UNC5D: variants seen among roughly 807,000 people sequenced by gnomAD.
The protein encoded by UNC5D is unc-5 netrin receptor D.
In UNC5D, 39 loss-of-function variants were observed where a neutral mutation model predicts 105.4. The ratio of observed to expected loss-of-function variants is 0.37; its 90% CI spans 0.29 to 0.48. The LOEUF is 0.48. Ranked by LOEUF, UNC5D falls within the 20% of genes least tolerant of loss-of-function variation. The pLI, the probability that UNC5D is intolerant of heterozygous loss-of-function variation, is 0.98. For synonymous variants in UNC5D, 452 were observed against 450.4 expected (o/e 1.00, Z -0.04); for missense variants, 991 against 1,202.4 (o/e 0.82, Z 2.60).
intron 1 of UNC5D, among the ~76,000 whole-genome samples, chr8:35,322,222 T>C (rs549044173): frequency 3.4e-4 from 52 of 152,340 alleles, no homozygotes; most frequent in African/African-American, 1.2e-3. Flanking sequence ...ATTTCTCTTT[T>C]CAAAGGTGCA....
chr8:35,281,780 A>G (rs1236829645), intron 1 of UNC5D, among the ~76,000 whole-genome samples: 2 of 152,188 alleles, frequency 1.3e-5, no homozygotes, highest in African/African-American at 4.8e-5. Flanking sequence ...AAATCCTGCC[A>G]TGCCTTTGAT....
chr8:35,510,844 T>A (rs573306433), intron 1 of UNC5D, among the ~76,000 whole-genome samples: 1 of 152,342 alleles, frequency 6.6e-6, no homozygotes, highest in East Asian at 1.9e-4. Context: ...ATGACACATA[T>A]AAATCAATGT....
intron 1 of UNC5D, among the ~76,000 whole-genome samples, chr8:35,502,626 T>C (rs2130255552): frequency 6.6e-6 from 1 of 152,268 alleles, no homozygotes; most frequent in African/African-American, 2.4e-5. Context: ...TGGTGCGATC[T>C]TGGCTCACTG....
At chr8:35,586,102 C>T (rs1818776598) in intron 3 of UNC5D, among the ~76,000 whole-genome samples, 1 of 151,844 alleles carries the variant, frequency 6.6e-6, no homozygotes, top group South Asian at 2.1e-4. Flanking sequence ...GAGAAACCCC[C>T]GTTTCTACTA....
At chr8:35,318,407 C>T (rs1398197799) in intron 1 of UNC5D, among the ~76,000 whole-genome samples, 1 of 152,030 alleles carries the variant, frequency 6.6e-6, no homozygotes, top group East Asian at 1.9e-4. Context: ...TCCTAAGACA[C>T]ATACAATGAG....
chr8:35,695,710 A>ATTAT (rs59029374), intron 7 of UNC5D, among the ~76,000 whole-genome samples: 25,564 of 146,322 alleles, frequency 0.17, 2,827 homozygotes, highest in African/African-American at 0.31. Flanking sequence ...GTATTTTTAT[A>ATTAT]TTATTTATTT....
intron 3 of UNC5D, among the ~76,000 whole-genome samples, chr8:35,593,911 G>T (rs1819332143): frequency 1.3e-5 from 2 of 152,168 alleles, no homozygotes. Flanking sequence ...TTGACCCAAA[G>T]ATCCCTTGTG....
At chr8:35,463,618 C>CAA (rs1189276180) in intron 1 of UNC5D, among the ~76,000 whole-genome samples, 11 of 109,810 alleles carry the variant, frequency 1.0e-4, no homozygotes, top group South Asian at 3.0e-4. Context: ...CTATCTCTAT[C>CAA]AAAAAAAAAA....
chr8:35,353,035 T>G (rs1440553083), intron 1 of UNC5D, among the ~76,000 whole-genome samples: 1 of 152,090 alleles, frequency 6.6e-6, no homozygotes, highest in Non-Finnish European at 1.5e-5. Flanking sequence ...GCCCTAAATG[T>G]AGAAGCCATT....
intron 1 of UNC5D, among the ~76,000 whole-genome samples, chr8:35,537,746 A>G (rs1814947695): frequency 6.6e-6 from 1 of 150,462 alleles, no homozygotes; most frequent in Admixed American, 6.6e-5. Flanking sequence ...TATACATATA[A>G]TTAAATAAAT....
intron 1 of UNC5D, among the ~76,000 whole-genome samples, chr8:35,326,166 G>C (rs1035098376): frequency 6.6e-6 from 1 of 152,094 alleles, no homozygotes; most frequent in African/African-American, 2.4e-5. Context: ...GAGTTATTCA[G>C]GCCTAAGCGG....
intron 1 of UNC5D, among the ~76,000 whole-genome samples, chr8:35,360,753 T>C (rs1801810701): frequency 6.6e-6 from 1 of 152,162 alleles, no homozygotes; most frequent in Non-Finnish European, 1.5e-5. Flanking sequence ...AGTGGCAAAC[T>C]GTGGCTATAT....
chr8:35,275,380 G>A (rs1432582228), intron 1 of UNC5D, among the ~76,000 whole-genome samples: 2 of 151,942 alleles, frequency 1.3e-5, no homozygotes, highest in Non-Finnish European at 2.9e-5. Context: ...CAGGTAAAGA[G>A]TGTTGAAAAA....
intron 1 of UNC5D, among the ~76,000 whole-genome samples, chr8:35,507,310 C>T (rs1812390308): frequency 6.6e-6 from 1 of 152,096 alleles, no homozygotes; most frequent in Admixed American, 6.5e-5. Flanking sequence ...CCGCCTCGGC[C>T]TCCCAAAGTG....
chr8:35,621,800 G>A (rs982354582), intron 4 of UNC5D, among the ~76,000 whole-genome samples: 2 of 152,124 alleles, frequency 1.3e-5, no homozygotes, highest in African/African-American at 2.4e-5. Context: ...TATTCCTGGA[G>A]CATGTGCCTG....
chr8:35,291,395 A>G (rs1807055755), intron 1 of UNC5D, among the ~76,000 whole-genome samples: 1 of 152,228 alleles, frequency 6.6e-6, no homozygotes, highest in Non-Finnish European at 1.5e-5. Context: ...CAACCAGCAA[A>G]CTATTCTAAG....
intron 1 of UNC5D, among the ~76,000 whole-genome samples, chr8:35,409,939 T>TA (rs55697079): frequency 2.0e-5 from 3 of 151,686 alleles, no homozygotes; most frequent in African/African-American, 7.3e-5. Flanking sequence ...TTTTTTTTTT[T>TA]AAACATAGCA....
intron 7 of UNC5D, among the ~76,000 whole-genome samples, chr8:35,705,446 G>T (rs1369085199): frequency 7.9e-5 from 12 of 152,206 alleles, no homozygotes; most frequent in Admixed American, 7.9e-4. Flanking sequence ...ACCCATACCT[G>T]ACAAGAATGG....
At chr8:35,287,795 C>A (rs963466007) in intron 1 of UNC5D, among the ~76,000 whole-genome samples, 3 of 151,648 alleles carry the variant, frequency 2.0e-5, no homozygotes, top group Non-Finnish European at 4.4e-5. Context: ...CAGAGTGAGA[C>A]CCTGTCTCAA....
Sources: gnomAD v4.1 joint callset for allele counts (sites outside exome capture counted in the v4.1 genomes callset) on GRCh38, gnomAD v4.1.1 for gene constraint, MANE v1.5 for transcripts, NCBI Gene and HGNC (gene_info 2026-07-23, HGNC 2026-07-21) for gene names.